GPATCH1: variants seen among roughly 807,000 people sequenced by gnomAD.
GPATCH1 encodes the protein G patch domain-containing protein 1.
In GPATCH1, 73 loss-of-function variants were observed where a neutral mutation model predicts 114.9. The ratio of observed to expected loss-of-function variants is 0.64; its 90% CI spans 0.53 to 0.77. GPATCH1 has a LOEUF of 0.77. Ranked by LOEUF, GPATCH1 falls within the 30% of genes least tolerant of loss-of-function variation. The pLI is 0.00. For missense variants in GPATCH1, 1,058 were observed against 1,144.3 expected, an observed-to-expected ratio of 0.92 and a Z score of 1.09; for synonymous variants, 391 against 428.4, an observed-to-expected ratio of 0.91 and a Z score of 1.08.
intron 15 of GPATCH1, among the ~76,000 whole-genome samples, chr19:33,114,641 T>C (rs1348242395): frequency 6.6e-6 from 1 of 152,176 alleles, no homozygotes; most frequent in African/African-American, 2.4e-5. Context: ...TTCATTTCTG[T>C]AGAGTACAAA....
intron 19 of GPATCH1, among the ~76,000 whole-genome samples, chr19:33,127,256 T>G (rs552166308): frequency 1.3e-5 from 2 of 151,670 alleles, no homozygotes; most frequent in African/African-American, 4.8e-5. Context: ...CGGTGGCTCA[T>G]GCCTGTAATC....
At chr19:33,093,613 C>A in intron 4 of GPATCH1, 94 bp downstream of exon 4, 1 of 1,191,858 alleles carries the variant, frequency 8.4e-7, no homozygotes, top group Non-Finnish European at 1.2e-6. Flanking sequence ...GCAAGTGAGA[C>A]AAGCCTTCTT....
intron 10 of GPATCH1, 114 bp from the exon 11 acceptor site, chr19:33,109,603 A>C (rs1568345863): frequency 9.5e-6 from 6 of 628,850 alleles, no homozygotes; most frequent in Non-Finnish European, 1.6e-5. Flanking sequence ...ACTAAACATA[A>C]AATCCTCATC....
chr19:33,106,363 C>G (rs1329235913), intron 9 of GPATCH1, among the ~76,000 whole-genome samples: 1 of 152,094 alleles, frequency 6.6e-6, no homozygotes, highest in Non-Finnish European at 1.5e-5. Flanking sequence ...TACAGTGGGC[C>G]AGCCCTACCT....
rs373734707 is a variant in GPATCH1 at position 33,105,900 on chromosome 19, T to C, written c.1081-795T>C. On this transcript the variant is annotated intron_variant, in intron 9 of 19. Coordinates refer to ENST00000170564, the MANE Select transcript of GPATCH1 (RefSeq NM_018025.3). ...GCTCTGTTTCAGCTCTGCACCGGGG[T>C]GCAGTGGCGCAATCTCAGCTCACTG... Among the ~76,000 whole-genome samples the C allele has an allele frequency of 7.2e-5, 11 of 151,978 alleles. No homozygotes were observed. In the East Asian group the frequency reaches 1.5e-3, roughly 21 times the overall value.
In GPATCH1 at chr19:33,117,903, G is replaced by A. The variant is rs760838355; in HGVS notation, c.2275G>A (p.Ala759Thr). 6.2e-7 allele frequency: 1 copy of A among 1,613,892 alleles called. No individual in the cohort carries two copies. Residue 759 changes from alanine to threonine, a missense_variant, in exon 16 of 20, where the codon GCC becomes ACC. Physicochemically the swap from Ala to Thr is moderately conservative, Grantham distance 58. Transcript: ENST00000170564. ...CATGGACTTATTCAGGGCCATCTTTGCCAGTTCCTCAGATGAAAAGTCCTC... is the reference window on the plus strand; with the variant it reads ...CATGGACTTATTCAGGGCCATCTTTACCAGTTCCTCAGATGAAAAGTCCTC... The part of the protein sequence containing the change: ...PSMDLFRAIF[A>T]SSSDEKSSSS...
chr19:33,104,457 T>C (rs1972761528), intron 9 of GPATCH1, among the ~76,000 whole-genome samples: 1 of 152,180 alleles, frequency 6.6e-6, no homozygotes, highest in Non-Finnish European at 1.5e-5. Flanking sequence ...GAGTGTTTTC[T>C]GGCTGATTTG....
intron 1 of GPATCH1, among the ~76,000 whole-genome samples, chr19:33,086,057 A>G (rs1172088752): frequency 3.3e-5 from 5 of 152,238 alleles, no homozygotes; most frequent in Non-Finnish European, 7.3e-5. Flanking sequence ...CCTGTGGGGC[A>G]TAAGCTGCTG....
intron 3 of GPATCH1, among the ~76,000 whole-genome samples, chr19:33,091,755 T>C (rs889534836): frequency 1.3e-5 from 2 of 152,044 alleles, no homozygotes; most frequent in African/African-American, 4.8e-5. Flanking sequence ...AACTTAAAAG[T>C]TGAAGGAAAA....
rs1476223554 is a variant in GPATCH1, at chr19:33,105,529, A to G, written c.1081-1166A>G. Among the ~76,000 whole-genome samples, 11 of 151,982 alleles carry G rather than the reference A, an allele frequency of 7.2e-5. No homozygotes were observed. In the South Asian group the frequency reaches 8.3e-4, roughly 11 times the overall value. Reference sequence around the variant, plus strand: ...AATAACTACAGTTATTATTATTATTAATTATTATTTTTGAGATGGAGTCTC... The same window carrying G: ...AATAACTACAGTTATTATTATTATTGATTATTATTTTTGAGATGGAGTCTC... On this transcript the variant is annotated intron_variant, in intron 9 of 19. Transcript: ENST00000170564.
chr19:33,125,034 A>G, intron 17 of GPATCH1, 71 bp from the exon 18 acceptor site: 1 of 1,514,666 alleles, frequency 6.6e-7, no homozygotes, highest in Non-Finnish European at 8.9e-7. Context: ...TCAGCAGTTT[A>G]GGAGCTTAGT....
chr19:33,096,282 A>G lies in GPATCH1; in HGVS notation c.688A>G (p.Lys230Glu). ...KDVTPVDFTP[K>E]DNVHGLAYKG... ...TGTCACACCTGTGGATTTCACACCT[A>G]AAGATAATGTGCATGGTCTAGCTTA... The change falls in exon 7 of 20, where the codon AAA becomes GAA. Residue 230 changes from lysine to glutamate, a missense_variant. Lys to Glu is a moderately conservative substitution (Grantham distance 56, BLOSUM62 1). Transcript: ENST00000170564. 1 of 1,614,122 alleles carries G rather than the reference A, an allele frequency of 6.2e-7. No individual in the cohort carries two copies. The highest frequency in any genetic ancestry group is 8.5e-7 in the Non-Finnish European group (1 of 1,179,948).
rs1460225317 is a variant in GPATCH1, at chr19:33,081,207, A to G, written c.14A>G (p.Asp5Gly). 3 of 1,551,334 alleles carry G rather than the reference A, an allele frequency of 1.9e-6. No individual in the cohort carries two copies. The Admixed American group carries it at 5.9e-5, about 30-fold the overall frequency. Reference sequence around the variant, plus strand: ...CGGAAGAGCAGGATGGCGGCGCGGGACAGTGACAGCGAAGAAGATCTGGTC... The same window carrying G: ...CGGAAGAGCAGGATGGCGGCGCGGGGCAGTGACAGCGAAGAAGATCTGGTC... MAARDSDSEEDLVSY... is the reference protein window; with the variant it reads MAARGSDSEEDLVSY... Residue 5 changes from aspartate to glycine, a missense_variant, in exon 1 of 20, where the codon GAC becomes GGC. Asp to Gly is a moderately conservative substitution (Grantham distance 94). This residue lies in a region of GPATCH1 where 131 missense variants were observed against 107.2 expected (regional missense o/e 1.22). Transcript: ENST00000170564.
intron 6 of GPATCH1, 123 bp downstream of exon 6, chr19:33,095,943 A>G (rs1379090055): frequency 2.5e-6 from 2 of 803,682 alleles, no homozygotes; most frequent in Non-Finnish European, 4.4e-6. Flanking sequence ...AAATACTCAT[A>G]CCCTAAAGCT....
At position 33,130,355 on chromosome 19, in the gene GPATCH1, A is replaced by G. The variant is rs13346412; in HGVS notation, c.*195A>G. On this transcript the variant is annotated 3_prime_UTR_variant, in exon 20 of 20. Transcript: ENST00000170564. The stretch of plus-strand genomic sequence containing the variant: ...ATTTCTATTTTTAATTTCAGTTAGT[A>G]TCGGGGGAAAAAAATCCAGACTGAA... 2,790 of 440,644 alleles carry G rather than the reference A, an allele frequency of 6.3e-3. 80 individuals carry two copies. The highest frequency in any genetic ancestry group is 0.052 in the African/African-American group (2,540 of 49,248). The allele number at this position is 440,644 out of a possible 1,614,324, so 27.3% of individuals were successfully genotyped here. A position where few individuals can be genotyped will look rare whatever the true frequency, so the allele number is the denominator to read the frequency against.
chr19:33,084,908 G>A (rs970136348), intron 1 of GPATCH1, among the ~76,000 whole-genome samples: 9 of 152,106 alleles, frequency 5.9e-5, no homozygotes, highest in East Asian at 1.9e-4. Flanking sequence ...TGATCCGCCC[G>A]CCTCGGCCTC....
rs1973026917 is a variant in GPATCH1 at position 33,125,178 on chromosome 19, A to G, written c.2595A>G (p.Lys865=). ...ACAAAGACAAGCACAAGGCCAAGAA[A>G]GAGCACAGGCGGAAGAAAGAGAAGG... is the stretch of plus-strand genomic sequence containing the variant. ...KKNKDKHKAK[K]EHRRKKEKKK... Residue 865 remains lysine (K), a synonymous_variant, in exon 18 of 20, where the codon AAA becomes AAG. Transcript: ENST00000170564. The G allele has an allele frequency of 1.3e-6, 2 of 1,595,872 alleles. No homozygotes were observed. The highest frequency in any genetic ancestry group is 2.7e-5 in the African/African-American group (2 of 74,102).
chr19:33,125,403 C>CA (rs1555721927), intron 18 of GPATCH1, among the ~76,000 whole-genome samples: 3 of 145,036 alleles, frequency 2.1e-5, no homozygotes, highest in Non-Finnish European at 3.0e-5. Context: ...CGCCCCCCCG[C>CA]TTTTTTTTTT....
At chr19:33,106,565 C>A in intron 9 of GPATCH1, 130 bp from the exon 10 acceptor site, 1 of 703,094 alleles carries the variant, frequency 1.4e-6, no homozygotes, top group Non-Finnish European at 2.4e-6. Context: ...TGTTCTTGTG[C>A]TACCTGCCTG....
Sources: gnomAD v4.1 joint callset for allele counts (sites outside exome capture counted in the v4.1 genomes callset) on GRCh38, gnomAD v4.1.1 for gene constraint, gnomAD v4.1.1 regional missense constraint, MANE v1.5 for transcripts, NCBI Gene and HGNC (gene_info 2026-07-23, HGNC 2026-07-21) for gene names.